RASA2: variants seen among roughly 807,000 people sequenced by gnomAD.
The protein encoded by RASA2 is RAS p21 protein activator 2.
In RASA2, 155 loss-of-function variants were observed where a neutral mutation model predicts 118.2. The ratio of observed to expected loss-of-function variants is 1.31; its 90% CI spans 1.15 to 1.50. The LOEUF is 1.50. RASA2 is among the 40% of genes most tolerant of loss of function. RASA2 has a pLI of 0.00. For missense variants in RASA2, 1,016 were observed against 1,009.6 expected (o/e 1.01, Z -0.09); for synonymous variants, 353 against 349.1 (o/e 1.01, Z -0.12).
chr3:141,580,085 A>AAATAT (rs1553797703), intron 15 of RASA2, among the ~76,000 whole-genome samples: 236 of 59,594 alleles, frequency 4.0e-3, no homozygotes, highest in East Asian at 0.019. Context: ...AAAAAAAAAA[A>AAATAT]ATATATATAT....
intron 5 of RASA2, among the ~76,000 whole-genome samples, chr3:141,548,423 C>T (rs550669288): frequency 6.7e-6 from 1 of 150,316 alleles, no homozygotes; most frequent in East Asian, 2.1e-4. Context: ...TGTATATGTC[C>T]AGGAATTTAT....
At chr3:141,506,548 G>A (rs1006609979) in intron 1 of RASA2, among the ~76,000 whole-genome samples, 2 of 152,148 alleles carry the variant, frequency 1.3e-5, no homozygotes, top group Non-Finnish European at 2.9e-5. Flanking sequence ...GTCAAACTAT[G>A]ATTTGTGAAT....
At chr3:141,512,468 G>GT (rs1559998427) in intron 2 of RASA2, among the ~76,000 whole-genome samples, 188 bp downstream of exon 2, 1 of 152,092 alleles carries the variant, frequency 6.6e-6, no homozygotes, top group African/African-American at 2.4e-5. Flanking sequence ...CTGGAGAAAA[G>GT]TTTTTTCACA....
intron 14 of RASA2, among the ~76,000 whole-genome samples, chr3:141,575,515 T>A (rs1239357019): frequency 6.6e-6 from 1 of 152,210 alleles, no homozygotes; most frequent in African/African-American, 2.4e-5. Context: ...TAGCCTCCAT[T>A]GTCTCCTGTT....
chr3:141,507,624 T>C (rs2081889174), intron 1 of RASA2, among the ~76,000 whole-genome samples: 1 of 152,152 alleles, frequency 6.6e-6, no homozygotes, highest in Non-Finnish European at 1.5e-5. Flanking sequence ...TTGCTGGCCC[T>C]AGAGCCAAGC....
At chr3:141,520,605 A>T (rs1018412603) in intron 3 of RASA2, among the ~76,000 whole-genome samples, 1 of 152,046 alleles carries the variant, frequency 6.6e-6, no homozygotes, top group African/African-American at 2.4e-5. Context: ...AAGAATCTGC[A>T]TATTGTATTA....
intron 3 of RASA2, chr3:141,526,163 T>G (rs1031631252): frequency 1.3e-5 from 2 of 152,180 alleles, no homozygotes; most frequent in African/African-American, 4.8e-5. Context: ...CCTCCAAGAT[T>G]GTTAGGAAAA....
intron 19 of RASA2, among the ~76,000 whole-genome samples, chr3:141,592,115 CA>C (rs1343598950): frequency 6.6e-6 from 1 of 151,540 alleles, no homozygotes; most frequent in African/African-American, 2.4e-5. Flanking sequence ...ATCAGATGAA[CA>C]AAAAAGAAGC....
At chr3:141,542,656 C>T (rs938275193) in intron 5 of RASA2, among the ~76,000 whole-genome samples, 1 of 152,080 alleles carries the variant, frequency 6.6e-6, no homozygotes, top group Admixed American at 6.5e-5. Context: ...TTTACATTGG[C>T]ATAATGTATG....
chr3:141,610,732 C>T (rs2083637589), intron 23 of RASA2, among the ~76,000 whole-genome samples: 1 of 151,792 alleles, frequency 6.6e-6, no homozygotes, highest in African/African-American at 2.4e-5. Flanking sequence ...CTCCAGCGAT[C>T]CTCCTGCCTC....
At chr3:141,567,979 A>G (rs1483887864) in intron 9 of RASA2, among the ~76,000 whole-genome samples, 1 of 152,136 alleles carries the variant, frequency 6.6e-6, no homozygotes, top group African/African-American at 2.4e-5. Flanking sequence ...GCAAATAAAT[A>G]ATTTTCCCCA....
At chr3:141,570,882 CA>C (rs2082906983) in intron 9 of RASA2, 29 bp from the exon 10 acceptor site, 2 of 1,575,374 alleles carry the variant, frequency 1.3e-6, no homozygotes, top group Non-Finnish European at 1.7e-6. Flanking sequence ...GCATTTCCAT[CA>C]CATGGAATCA....
chr3:141,567,971 A>G (rs574890618), intron 9 of RASA2, among the ~76,000 whole-genome samples: 15 of 152,200 alleles, frequency 9.9e-5, no homozygotes, highest in Non-Finnish European at 2.2e-4. Context: ...CCCAAAAAGC[A>G]AATAAATAAT....
At chr3:141,554,982 C>T (rs1210831994) in intron 6 of RASA2, among the ~76,000 whole-genome samples, 1 of 152,046 alleles carries the variant, frequency 6.6e-6, no homozygotes, top group Non-Finnish European at 1.5e-5. Flanking sequence ...AAAGTCTGGC[C>T]AGGCGCAGGT....
intron 19 of RASA2, among the ~76,000 whole-genome samples, chr3:141,603,837 A>G (rs2083504655): frequency 6.6e-6 from 1 of 152,210 alleles, no homozygotes; most frequent in Non-Finnish European, 1.5e-5. Flanking sequence ...ACATGGAATC[A>G]TATGTAGCCT....
At chr3:141,595,506 GA>G (rs2083351829) in intron 19 of RASA2, among the ~76,000 whole-genome samples, 1 of 152,190 alleles carries the variant, frequency 6.6e-6, no homozygotes, top group Non-Finnish European at 1.5e-5. Context: ...TATAATGGCA[GA>G]AGGAGCACAT....
intron 3 of RASA2, among the ~76,000 whole-genome samples, chr3:141,517,061 C>T (rs2082038449): frequency 6.6e-6 from 1 of 151,384 alleles, no homozygotes; most frequent in Non-Finnish European, 1.5e-5. Flanking sequence ...TGAGCCACCA[C>T]GCCTGGCCGG....
At chr3:141,528,914 CT>C (rs368813539) in intron 3 of RASA2, among the ~76,000 whole-genome samples, 1,894 of 151,982 alleles carry the variant, frequency 0.012, 43 homozygotes, top group African/African-American at 0.043. Flanking sequence ...TTTGTTGAAA[CT>C]TTTGTGTAGA....
At chr3:141,587,296 G>C (rs2083219247) in intron 19 of RASA2, among the ~76,000 whole-genome samples, 1 of 152,240 alleles carries the variant, frequency 6.6e-6, no homozygotes, top group African/African-American at 2.4e-5. Context: ...TGGGCTATTT[G>C]TGTAAATGAA....
Sources: gnomAD v4.1 joint callset for allele counts (sites outside exome capture counted in the v4.1 genomes callset) on GRCh38, gnomAD v4.1.1 for gene constraint, MANE v1.5 for transcripts, NCBI Gene and HGNC (gene_info 2026-07-23, HGNC 2026-07-21) for gene names.